PDPN: variants seen among roughly 807,000 people sequenced by gnomAD.
PDPN encodes PA2.26 antigen.
A neutral mutation model predicts 23.2 loss-of-function variants in PDPN; 12 were observed. The ratio of observed to expected loss-of-function variants is 0.52; its 90% CI spans 0.33 to 0.84. The LOEUF (loss-of-function observed/expected upper bound fraction) is 0.84. Among genes scored for constraint, PDPN ranks in the 40% least tolerant of loss-of-function variants. The pLI is 0.02. For synonymous variants in PDPN, 77 were observed against 76.7 expected (o/e 1.00, Z -0.02); for missense variants, 199 against 212.2 (o/e 0.94, Z 0.39).
In PDPN at chr1:13,617,914, G is replaced by A. The variant is rs774441914; in HGVS notation, c.*2003G>A. Reference sequence around the variant, plus strand: ...GGTCACACCTGTGTTGGTGCTCAATGCAGTGTAGACATGTTTTCAAATAAA... The same window carrying A: ...GGTCACACCTGTGTTGGTGCTCAATACAGTGTAGACATGTTTTCAAATAAA... On this transcript the variant is annotated 3_prime_UTR_variant, in exon 6 of 6. Coordinates refer to ENST00000621990, the MANE Select transcript of PDPN (RefSeq NM_006474.5). 4 of 152,158 alleles carry A rather than the reference G, an allele frequency of 2.6e-5. No individual in the cohort carries two copies. The highest frequency in any genetic ancestry group is 7.2e-5 in the African/African-American group (3 of 41,434). The allele number at this position is 152,158 out of a possible 1,614,324, so 9.4% of individuals were successfully genotyped here.
intron 1 of PDPN, among the ~76,000 whole-genome samples, chr1:13,600,601 G>T (rs1640618580): frequency 6.6e-6 from 1 of 152,142 alleles, no homozygotes; most frequent in Non-Finnish European, 1.5e-5. Context: ...CCGACCTCAG[G>T]TCATCCACCT....
intron 1 of PDPN, among the ~76,000 whole-genome samples, chr1:13,599,063 T>C (rs1160284421): frequency 2.1e-5 from 3 of 144,936 alleles, no homozygotes; most frequent in African/African-American, 7.8e-5. Flanking sequence ...TAGCCTGGAG[T>C]GTAGTGGCGC....
Position 13,605,695 on chromosome 1 carries a change from T to C in PDPN, c.68-1478T>C, listed in dbSNP as rs1306271086. Among the ~76,000 whole-genome samples, 17 of 152,282 alleles carry C rather than the reference T, an allele frequency of 1.1e-4. No individual in the cohort carries two copies. The East Asian group carries it at 3.3e-3, about 29-fold the overall frequency. On this transcript the variant is annotated intron_variant, in intron 1 of 5. Transcript: ENST00000621990. ...TGGAGTGCAGTGGTGTGATCTTGGC[T>C]CACTGCAACCCCCACCTCCCATGTT...
At chr1:13,615,089 G>A (rs1641033784) in intron 5 of PDPN, among the ~76,000 whole-genome samples, 1 of 152,156 alleles carries the variant, frequency 6.6e-6, no homozygotes, top group African/African-American at 2.4e-5. Context: ...AGCCCATTCG[G>A]ATTAGGAGTT....
chr1:13,611,192 A>G (rs947379424), intron 3 of PDPN, among the ~76,000 whole-genome samples: 13 of 151,786 alleles, frequency 8.6e-5, no homozygotes, highest in African/African-American at 1.9e-4. Flanking sequence ...CTGCACTCCA[A>G]CCTGGGCGAC....
intron 1 of PDPN, among the ~76,000 whole-genome samples, chr1:13,593,871 T>C (rs1640420080): frequency 6.6e-6 from 1 of 152,216 alleles, no homozygotes; most frequent in African/African-American, 2.4e-5. Flanking sequence ...GGAATGTTCG[T>C]GACACCAGCC....
At chr1:13,610,624 A>G in intron 3 of PDPN, 108 bp downstream of exon 3, 5 of 1,129,072 alleles carry the variant, frequency 4.4e-6, no homozygotes, top group Non-Finnish European at 6.4e-6. Flanking sequence ...ATTGGGATGC[A>G]AGAGTGACTT....
At chr1:13,584,285 C>G (rs1640118245) in intron 1 of PDPN, 185 bp downstream of exon 1, 1 of 1,526,058 alleles carries the variant, frequency 6.6e-7, no homozygotes, top group Non-Finnish European at 8.8e-7. Context: ...TGCCAGGTCC[C>G]AAAGACGCAG....
At chr1:13,584,125 C>G (rs1451381869) in intron 1 of PDPN, 25 bp downstream of exon 1, 16 of 1,610,402 alleles carry the variant, frequency 9.9e-6, no homozygotes, top group Non-Finnish European at 1.4e-5. Context: ...AAGTGGCTTC[C>G]TGCCGTCGCT....
At position 13,617,137 on chromosome 1, in the gene PDPN, C is replaced by T. The variant is rs545490487; in HGVS notation, c.*1226C>T. ...CTCAGCACCATCCAGCCTGGCACTT[C>T]TCTTCCCATATATCCATTGGATTTT... is the stretch of plus-strand genomic sequence containing the variant. On this transcript the variant is annotated 3_prime_UTR_variant, in exon 6 of 6. Transcript: ENST00000621990. The T allele has an allele frequency of 6.7e-6, 1 of 148,846 alleles. No individual in the cohort carries two copies. Among genetic ancestry groups the T allele is most frequent in the South Asian group, 2.2e-4 (1 of 4,624 alleles). 9.2% of individuals were successfully genotyped at this position (148,846 alleles called of 1,614,324 possible).
chr1:13,614,462 C>G (rs1156334918), intron 5 of PDPN, 51 bp downstream of exon 5: 3 of 940,074 alleles, frequency 3.2e-6, no homozygotes, highest in Non-Finnish European at 5.2e-6. Flanking sequence ...GCCATCGTGT[C>G]TAGAACTCAA....
At position 13,617,358 on chromosome 1, in the gene PDPN, GT is replaced by G. The variant is rs1641099367; in HGVS notation, c.*1449del. ...GTTATTTTAAACAGTGTGTCTGTGT[GT>G]TCCCAAATCCAGCTGGCCCCACCAG... On this transcript the variant is annotated 3_prime_UTR_variant, in exon 6 of 6. Transcript: ENST00000621990. 1 of 152,120 alleles carries G rather than the reference GT, an allele frequency of 6.6e-6. No homozygotes were observed. The highest frequency in any genetic ancestry group is 1.5e-5 in the Non-Finnish European group (1 of 68,032). 9.4% of individuals were successfully genotyped at this position (152,120 alleles called of 1,614,324 possible).
intron 1 of PDPN, among the ~76,000 whole-genome samples, chr1:13,596,902 A>G (rs1246281998): frequency 1.3e-5 from 2 of 152,288 alleles, no homozygotes; most frequent in South Asian, 2.1e-4. Context: ...GAGAGATATG[A>G]GCACCTCAGT....
In PDPN at chr1:13,583,902, GCTCCCACCC is replaced by G. The variant is rs769355813; in HGVS notation, c.-127_-119del. 1 of 1,611,884 alleles carries G rather than the reference GCTCCCACCC, an allele frequency of 6.2e-7. No homozygotes were observed. Among genetic ancestry groups the G allele is most frequent in the East Asian group, 2.2e-5 (1 of 44,882 alleles). ...GGCACCCTCCCTCTCCGGGGCTCCT[GCTCCCACCC>G]CTCCGGCCCCCCCACCGTCGCGCTC... On this transcript the variant is annotated 5_prime_UTR_variant, in exon 1 of 6. Transcript: ENST00000621990.
rs759519035 is a variant in PDPN, at chr1:13,616,306, TTATATC to T, written c.*396_*401del. ...AAAATGCAGAGGAATCTGGAAATAT[TTATATC>T]CACGGAGTCCTTGGATCCAGTGCTA... On this transcript the variant is annotated 3_prime_UTR_variant, in exon 6 of 6. Coordinates refer to ENST00000621990, the MANE Select transcript of PDPN (RefSeq NM_006474.5). The T allele has an allele frequency of 1.2e-5, 3 of 246,028 alleles. No individual in the cohort carries two copies. Among genetic ancestry groups the T allele is most frequent in the African/African-American group, 2.3e-5 (1 of 44,370 alleles). The allele number at this position is 246,028 out of a possible 1,614,324, so 15.2% of individuals were successfully genotyped here. A position where few individuals can be genotyped will look rare whatever the true frequency, so the allele number is the denominator to read the frequency against.
chr1:13,615,322 C>G (rs1175357499), intron 5 of PDPN, among the ~76,000 whole-genome samples: 1 of 148,272 alleles, frequency 6.7e-6, no homozygotes, highest in Non-Finnish European at 1.5e-5. Context: ...CAGTCTTGCT[C>G]TGTCACCAGG....
chr1:13,598,765 C>T (rs535016383), intron 1 of PDPN, among the ~76,000 whole-genome samples: 3 of 152,266 alleles, frequency 2.0e-5, no homozygotes, highest in East Asian at 1.9e-4. Flanking sequence ...TTAGTTAGCA[C>T]CAGCTGTTCC....
chr1:13,588,183 A>C (rs1443716473), intron 1 of PDPN, among the ~76,000 whole-genome samples: 1 of 151,662 alleles, frequency 6.6e-6, no homozygotes, highest in Non-Finnish European at 1.5e-5. Context: ...TGGGCTCTTG[A>C]CCCCCATCCA....
intron 3 of PDPN, among the ~76,000 whole-genome samples, chr1:13,612,779 A>G (rs754333847): frequency 1.3e-5 from 2 of 152,204 alleles, no homozygotes; most frequent in African/African-American, 2.4e-5. Context: ...CATCTTTTAC[A>G]TGATAGTTGG....
Sources: allele counts gnomAD v4.1 joint callset (sites outside exome capture counted in the v4.1 genomes callset), GRCh38; gene constraint gnomAD v4.1.1; transcripts MANE v1.5; gene names NCBI Gene and HGNC (gene_info 2026-07-23, HGNC 2026-07-21).